The following CARS2 variants were observed in gnomAD, a reference collection of about 807,000 sequenced individuals.
The protein encoded by CARS2 is cysteinyl-tRNA synthetase 2, mitochondrial, also known as probable cysteine--tRNA ligase, mitochondrial.
A neutral mutation model predicts 68.8 loss-of-function variants in CARS2; 52 were observed. The observed-to-expected ratio is 0.76, with a 90% CI of 0.61 to 0.95. The LOEUF is 0.95. Among genes scored for constraint, CARS2 ranks in the 40% least tolerant of loss-of-function variants. CARS2 has a pLI of 0.00. For missense variants in CARS2, 780 were observed against 754.2 expected (o/e 1.03, Z -0.40); for synonymous variants, 314 against 303.6 (o/e 1.03, Z -0.36).
intron 1 of CARS2, chr13:110,712,671 C>T: frequency 1.5e-6 from 1 of 648,450 alleles, no homozygotes; most frequent in Non-Finnish European, 2.9e-6. Flanking sequence ...AGCTGAATGG[C>T]CTCAGGACGC....
upstream of CARS2, among the ~76,000 whole-genome samples, chr13:110,710,353 G>A (rs1276796030): frequency 6.6e-6 from 1 of 152,204 alleles, no homozygotes; most frequent in Non-Finnish European, 1.5e-5. Flanking sequence ...CTGCACTCCA[G>A]TCTGGGTGAC....
intron 3 of CARS2, among the ~76,000 whole-genome samples, chr13:110,692,077 CATAT>C (rs1184399059): frequency 9.2e-5 from 13 of 141,410 alleles, no homozygotes; most frequent in Non-Finnish European, 3.0e-5. Context: ...TACACACATA[CATAT>C]ATATACACAC....
Position 110,676,852 on chromosome 13 carries a change from C to CA in CARS2, c.785+121dup, listed in dbSNP as rs3215828. 3.1e-6 allele frequency: 4 copies of CA among 1,309,398 alleles called. No individual in the cohort carries two copies. The South Asian group carries it at 5.1e-5, about 17-fold the overall frequency. 81.1% of individuals were successfully genotyped at this position (1,309,398 alleles called of 1,614,324 possible). ...TCACACTCCGGCAAAAATCTCTTCC[C>CA]AAAAAATCACCCATGGGCACACGTG... On this transcript the variant is annotated intron_variant, in intron 7 of 14. Coordinates refer to ENST00000257347, the MANE Select transcript of CARS2 (RefSeq NM_024537.4). The surrounding 1 kb of genome is among the most constrained non-coding windows in gnomAD (Gnocchi z 4.0).
chr13:110,706,075 C>A lies in CARS2; in HGVS notation c.19G>T (p.Gly7Cys). The A allele has an allele frequency of 2.2e-6, 3 of 1,341,052 alleles. No individual in the cohort carries two copies. Among genetic ancestry groups the A allele is most frequent in the Admixed American group, 3.3e-5 (1 of 30,038 alleles). The allele number at this position is 1,341,052 out of a possible 1,614,324, so 83.1% of individuals were successfully genotyped here. The change falls in exon 1 of 15, where the codon GGC (glycine) becomes TGC (cysteine). Residue 7 changes from glycine (G) to cysteine (C), a missense_variant. Coordinates refer to ENST00000257347, the MANE Select transcript of CARS2 (RefSeq NM_024537.4). Reference sequence around the variant, plus strand: ...AGCAGCGGGGGGCCCAGGCCTGGGCCGCGCGTAGTCCTCAACATGTCAGCG... The same window carrying A: ...AGCAGCGGGGGGCCCAGGCCTGGGCAGCGCGTAGTCCTCAACATGTCAGCG... MLRTTR[G>C]PGLGPPLLQA... is the part of the protein sequence containing the mutation.
At chr13:110,657,368 C>G (rs1354384629) in intron 9 of CARS2, among the ~76,000 whole-genome samples, 1 of 152,232 alleles carries the variant, frequency 6.6e-6, no homozygotes, top group Non-Finnish European at 1.5e-5. Context: ...ATCCCATTTC[C>G]CCTCAAAGGC....
At chr13:110,655,684 T>G (rs2062346391) in intron 9 of CARS2, among the ~76,000 whole-genome samples, 1 of 152,242 alleles carries the variant, frequency 6.6e-6, no homozygotes, top group South Asian at 2.1e-4. Context: ...TGAATTTTTC[T>G]ACCGTGTGGT....
At chr13:110,684,585 T>C (rs1404952265) in intron 5 of CARS2, among the ~76,000 whole-genome samples, 2 of 149,790 alleles carry the variant, frequency 1.3e-5, no homozygotes, top group African/African-American at 4.9e-5. Context: ...CTCCCACCAG[T>C]GACCATTGTG....
In CARS2 at chr13:110,646,096, G is replaced by A. The variant is rs1211140133; in HGVS notation, c.1194-6C>T. On this transcript the variant is annotated splice_polypyrimidine_tract_variant and splice_region_variant and intron_variant, in intron 11 of 14. Coordinates refer to ENST00000257347, the MANE Select transcript of CARS2 (RefSeq NM_024537.4). ...CCCTCTTGGTGCTGGAGAGCCTGAG[G>A]GAAGAGGAGAGAACAGTCACAGCAG... 3 of 1,612,400 alleles carry A rather than the reference G, an allele frequency of 1.9e-6. No individual in the cohort carries two copies. The highest frequency in any genetic ancestry group is 1.7e-5 in the Admixed American group (1 of 59,824).
chr13:110,645,797 T>C, intron 12 of CARS2, 170 bp downstream of exon 12: 1 of 860,450 alleles, frequency 1.2e-6, no homozygotes, highest in Non-Finnish European at 1.7e-6. Flanking sequence ...CCAGGCTGGG[T>C]GCCATCCCGT....
chr13:110,688,314 C>A (rs553085562), intron 3 of CARS2, among the ~76,000 whole-genome samples: 17 of 152,166 alleles, frequency 1.1e-4, no homozygotes, highest in Middle Eastern at 3.4e-3. Context: ...CTGGGTGCAG[C>A]GGCTCACGCC....
At chr13:110,681,704 A>G (rs1250742186) in intron 6 of CARS2, among the ~76,000 whole-genome samples, 2 of 152,240 alleles carry the variant, frequency 1.3e-5, no homozygotes, top group Non-Finnish European at 2.9e-5. Context: ...TGAGTGCTTA[A>G]GCTGCTGTAA....
Position 110,706,089 on chromosome 13 carries a change from A to T in CARS2, c.5T>A (p.Leu2Ter). 1.5e-6 allele frequency: 2 copies of T among 1,313,322 alleles called. No individual in the cohort carries two copies. The highest frequency in any genetic ancestry group is 1.9e-6 in the Non-Finnish European group (2 of 1,034,300). 81.4% of individuals were successfully genotyped at this position (1,313,322 alleles called of 1,614,324 possible). The part of the protein sequence containing the change: M[L>*]RTTRGPGLGP... ...CAGGCCTGGGCCGCGCGTAGTCCTC[A>T]ACATGTCAGCGGCCAGCGCCTACGA... Residue 2 changes from leucine to a stop codon, truncating the protein, a stop_gained, in exon 1 of 15, where the codon TTG becomes TAG. Coordinates refer to ENST00000257347, the MANE Select transcript of CARS2 (RefSeq NM_024537.4). LOFTEE classifies it high-confidence loss of function.
At chr13:110,706,556 C>G (rs1476480582), upstream of CARS2, 1 of 153,216 alleles carries the variant, frequency 6.5e-6, no homozygotes, top group Non-Finnish European at 1.5e-5. Context: ...CGCTAATACA[C>G]AGTGTCCACC....
In CARS2 at chr13:110,701,562, G is replaced by GA. The variant is rs1305873567; in HGVS notation, c.276-8dup. 6.5e-6 allele frequency: 8 copies of GA among 1,231,236 alleles called. No individual in the cohort carries two copies. The highest frequency in any genetic ancestry group is 9.5e-6 in the Non-Finnish European group (8 of 837,816). The allele number at this position is 1,231,236 out of a possible 1,614,324, so 76.3% of individuals were successfully genotyped here. A position where few individuals can be genotyped will look rare whatever the true frequency, so the allele number is the denominator to read the frequency against. ...ATCAAATCTAACATATGAGCTGAAA[G>GA]AAAAAAAGTGTCAGGATGTCTTTAT... is the stretch of plus-strand genomic sequence containing the variant. On this transcript the variant is annotated splice_polypyrimidine_tract_variant and splice_region_variant and intron_variant, in intron 2 of 14. Coordinates refer to ENST00000257347, the MANE Select transcript of CARS2 (RefSeq NM_024537.4).
At chr13:110,685,924 A>G (rs2139850110) in intron 5 of CARS2, among the ~76,000 whole-genome samples, 1 of 150,806 alleles carries the variant, frequency 6.6e-6, no homozygotes, top group South Asian at 2.1e-4. Context: ...AAATCTAAAC[A>G]CAGACTGCTC....
At chr13:110,685,195 T>C (rs1354444843) in intron 5 of CARS2, among the ~76,000 whole-genome samples, 1 of 151,924 alleles carries the variant, frequency 6.6e-6, no homozygotes, top group African/African-American at 2.4e-5. Flanking sequence ...TTAAAAAAAG[T>C]TTTTCCTGGG....
intron 2 of CARS2, among the ~76,000 whole-genome samples, chr13:110,703,448 C>T (rs1009888739): frequency 6.6e-6 from 1 of 152,168 alleles, no homozygotes; most frequent in African/African-American, 2.4e-5. Flanking sequence ...CTCCCACCAG[C>T]CCCTGGGAAG....
intron 9 of CARS2, among the ~76,000 whole-genome samples, chr13:110,661,060 G>T (rs372915815): frequency 9.9e-5 from 15 of 152,192 alleles, no homozygotes; most frequent in Non-Finnish European, 1.9e-4. Flanking sequence ...GCACCCAGCC[G>T]ATTTAGGGTA....
chr13:110,649,931 C>CTGTTTT (rs1249270267), intron 10 of CARS2, among the ~76,000 whole-genome samples: 18 of 73,146 alleles, frequency 2.5e-4, no homozygotes, highest in South Asian at 5.8e-4. Flanking sequence ...TGGATAACGA[C>CTGTTTT]TTTTTTTTTT....
Sources: gnomAD v4.1 joint callset for allele counts (sites outside exome capture counted in the v4.1 genomes callset) on GRCh38, gnomAD v4.1.1 for gene constraint, Gnocchi (gnomAD v3.1) non-coding constraint, MANE v1.5 for transcripts, NCBI Gene and HGNC (gene_info 2026-07-23, HGNC 2026-07-21) for gene names.